SPON1: variants seen among roughly 807,000 people sequenced by gnomAD.
SPON1 encodes the protein spondin 1.
In SPON1, 52 loss-of-function variants were observed where a neutral mutation model predicts 111.7. The observed-to-expected ratio is 0.47, with a 90% CI of 0.37 to 0.59. The LOEUF is 0.59. Ranked by LOEUF, SPON1 falls within the 20% of genes least tolerant of loss-of-function variation. The pLI is 0.00. For synonymous variants in SPON1, 410 were observed against 395.8 expected, an observed-to-expected ratio of 1.04 and a Z score of -0.43; for missense variants, 957 against 1,068.5, an observed-to-expected ratio of 0.90 and a Z score of 1.46.
At chr11:14,188,046 GC>G (rs1378653970) in intron 6 of SPON1, among the ~76,000 whole-genome samples, 1 of 152,094 alleles carries the variant, frequency 6.6e-6, no homozygotes, top group Non-Finnish European at 1.5e-5. Context: ...CTCCCAAAGT[GC>G]CAGGATTACA....
chr11:14,023,227 G>A (rs113667147), intron 2 of SPON1, among the ~76,000 whole-genome samples: 1,567 of 152,268 alleles, frequency 0.01, 39 homozygotes, highest in African/African-American at 0.035. Flanking sequence ...CTTTAAACAG[G>A]GAAGTGACAT....
In SPON1 at chr11:14,185,566, T is replaced by C. The variant is rs142580336; in HGVS notation, c.825+49998T>C. On this transcript the variant is annotated intron_variant, in intron 6 of 15. Transcript: ENST00000576479. The stretch of plus-strand genomic sequence containing the variant: ...TCTACATGGTAAAATGGATTATACA[T>C]AGTTTACCAAACAGATGAAATGTAT... Among the ~76,000 whole-genome samples, 328 of 152,370 alleles carry C rather than the reference T, an allele frequency of 2.2e-3. 9 individuals carry two copies. Among genetic ancestry groups the C allele is most frequent in the Middle Eastern group, 0.02 (6 of 294 alleles).
intron 2 of SPON1, among the ~76,000 whole-genome samples, chr11:13,998,082 T>C (rs1318217803): frequency 6.6e-6 from 1 of 152,166 alleles, no homozygotes; most frequent in Non-Finnish European, 1.5e-5. Flanking sequence ...GAGTAAATAT[T>C]AGTCACATAA....
rs573363844 is a variant in SPON1 at position 14,163,789 on chromosome 11, A to G, written c.825+28221A>G. Among the ~76,000 whole-genome samples the G allele has an allele frequency of 1.8e-4, 27 of 152,270 alleles. 1 individual carries two copies. In the East Asian group the frequency reaches 3.1e-3, roughly 17 times the overall value. On this transcript the variant is annotated intron_variant, in intron 6 of 15. Coordinates refer to ENST00000576479, the MANE Select transcript of SPON1 (RefSeq NM_006108.4). Reference sequence around the variant, plus strand: ...GCTGTGGTGGGAACCAAATGCTCCCATGGACTGCTGTCCTCCATATTGATT... The same window carrying G: ...GCTGTGGTGGGAACCAAATGCTCCCGTGGACTGCTGTCCTCCATATTGATT...
At position 14,254,684 on chromosome 11, in the gene SPON1, C is replaced by T. The variant is rs782041909; in HGVS notation, c.1047C>T (p.Asp349=). 4 of 1,613,962 alleles carry T rather than the reference C, an allele frequency of 2.5e-6. No homozygotes were observed. The South Asian group carries it at 4.4e-5, about 18-fold the overall frequency. Reference sequence around the variant, plus strand: ...GCTGGGTCCAGAAGGTGGTGCAAGACCTGATTCCCTGGGACGCTGGCACCG... The same window carrying T: ...GCTGGGTCCAGAAGGTGGTGCAAGATCTGATTCCCTGGGACGCTGGCACCG... The part of the protein sequence containing the change: ...ECGWVQKVVQ[D]LIPWDAGTDS... The change falls in exon 8 of 16, where the codon GAC becomes GAT. Residue 349 remains aspartate (D), a synonymous_variant. Transcript: ENST00000576479.
At chr11:14,201,376 C>G (rs1379970093) in intron 6 of SPON1, among the ~76,000 whole-genome samples, 1 of 151,778 alleles carries the variant, frequency 6.6e-6, no homozygotes, top group Admixed American at 6.6e-5. Flanking sequence ...AAAAAACTAC[C>G]AACTTCATAG....
At chr11:14,124,032 C>A (rs781870748) in intron 5 of SPON1, among the ~76,000 whole-genome samples, 2 of 152,232 alleles carry the variant, frequency 1.3e-5, no homozygotes, top group Non-Finnish European at 2.9e-5. Context: ...ATATGCAGAT[C>A]TGGGAGTTGT....
At chr11:14,053,776 T>G (rs1409402352) in intron 3 of SPON1, among the ~76,000 whole-genome samples, 5 of 152,200 alleles carry the variant, frequency 3.3e-5, no homozygotes, top group African/African-American at 7.2e-5. Flanking sequence ...ACTTTGTCTT[T>G]CAGGGTCACA....
At chr11:14,163,582 C>T (rs1847992492) in intron 6 of SPON1, among the ~76,000 whole-genome samples, 2 of 152,246 alleles carry the variant, frequency 1.3e-5, no homozygotes, top group Admixed American at 1.3e-4. Context: ...CAGGCATCCT[C>T]CATTCCCTCT....
intron 6 of SPON1, among the ~76,000 whole-genome samples, chr11:14,217,981 G>A (rs1554937277): frequency 6.6e-6 from 1 of 152,124 alleles, no homozygotes; most frequent in African/African-American, 2.4e-5. Context: ...AGAAACCCTG[G>A]GGGTAGGGCT....
chr11:14,058,528 G>T (rs1356919139), intron 3 of SPON1, among the ~76,000 whole-genome samples: 4 of 152,140 alleles, frequency 2.6e-5, no homozygotes, highest in Non-Finnish European at 5.9e-5. Context: ...AACAGTGTGG[G>T]ATTGTCCCTA....
intron 5 of SPON1, among the ~76,000 whole-genome samples, chr11:14,132,139 G>A (rs191911074): frequency 1.1e-4 from 16 of 152,242 alleles, no homozygotes; most frequent in African/African-American, 3.1e-4. Context: ...TTAGCTGGGC[G>A]TGGTGGCGGA....
At chr11:14,153,881 G>A (rs1172410764) in intron 6 of SPON1, among the ~76,000 whole-genome samples, 4 of 152,142 alleles carry the variant, frequency 2.6e-5, no homozygotes, top group African/African-American at 9.7e-5. Context: ...GGATAAATTG[G>A]CAAAAAATAA....
At chr11:14,028,724 CTG>C (rs1325851618) in intron 2 of SPON1, among the ~76,000 whole-genome samples, 3 of 152,148 alleles carry the variant, frequency 2.0e-5, no homozygotes, top group African/African-American at 7.2e-5. Context: ...CTTCTGGGCT[CTG>C]TACACAGGAC....
At chr11:14,020,997 A>G (rs922394751) in intron 2 of SPON1, among the ~76,000 whole-genome samples, 1 of 152,210 alleles carries the variant, frequency 6.6e-6, no homozygotes. Context: ...TGGCAGATTT[A>G]CATGTATGTT....
chr11:14,074,441 G>A (rs1024588754), intron 3 of SPON1, among the ~76,000 whole-genome samples: 9 of 152,156 alleles, frequency 5.9e-5, no homozygotes, highest in African/African-American at 2.2e-4. Flanking sequence ...CCTTCAGTGT[G>A]GTCAGCTATA....
chr11:14,016,191 T>G (rs56356622), intron 2 of SPON1, among the ~76,000 whole-genome samples: 11,313 of 152,352 alleles, frequency 0.074, 543 homozygotes, highest in Middle Eastern at 0.14. Flanking sequence ...CTTTCTTTCC[T>G]TCCTTTCTCA....
chr11:14,006,033 T>G (rs1848358027), intron 2 of SPON1, among the ~76,000 whole-genome samples: 1 of 152,212 alleles, frequency 6.6e-6, no homozygotes, highest in Non-Finnish European at 1.5e-5. Flanking sequence ...ACATTAGTAA[T>G]TATTATTAGG....
At chr11:14,107,448 G>A (rs1348181106) in intron 5 of SPON1, among the ~76,000 whole-genome samples, 1 of 152,114 alleles carries the variant, frequency 6.6e-6, no homozygotes, top group East Asian at 1.9e-4. Context: ...TGCTTTTCAA[G>A]TCTCTGGTTC....
Sources: allele counts gnomAD v4.1 joint callset (sites outside exome capture counted in the v4.1 genomes callset), GRCh38; gene constraint gnomAD v4.1.1; transcripts MANE v1.5; gene names NCBI Gene and HGNC (gene_info 2026-07-23, HGNC 2026-07-21).